The following DENND4A variants were observed in gnomAD, a reference collection of about 807,000 sequenced individuals.
DENND4A encodes C-myc promoter-binding protein.
A neutral mutation model predicts 199.3 loss-of-function variants in DENND4A; 70 were observed. That is an observed-to-expected ratio of 0.35 (90% CI 0.29 to 0.43). The LOEUF (loss-of-function observed/expected upper bound fraction) is 0.43. DENND4A is among the 20% of genes least tolerant of loss of function. The pLI is 1.00. For synonymous variants in DENND4A, 686 were observed against 766.9 expected (o/e 0.89, Z 1.74); for missense variants, 1,723 against 2,255.8 (o/e 0.76, Z 4.78).
intron 1 of DENND4A, among the ~76,000 whole-genome samples, chr15:65,778,659 G>A (rs2077349275): frequency 1.3e-5 from 2 of 152,150 alleles, no homozygotes; most frequent in African/African-American, 4.8e-5. Flanking sequence ...AGCACTTTGA[G>A]AGGATGAGGC....
chr15:65,729,390 G>C, intron 10 of DENND4A, 143 bp from the exon 11 acceptor site: 1 of 1,366,222 alleles, frequency 7.3e-7, no homozygotes, highest in Non-Finnish European at 1.0e-6. Flanking sequence ...TAGAGTTAAT[G>C]GTCAGGAAAT....
chr15:65,721,864 A>G (rs905847168), intron 12 of DENND4A, among the ~76,000 whole-genome samples: 4 of 152,188 alleles, frequency 2.6e-5, no homozygotes, highest in Non-Finnish European at 5.9e-5. Context: ...TACCAACAAG[A>G]TTAGATAAAG....
chr15:65,788,081 A>ATT (rs869202537), intron 1 of DENND4A, among the ~76,000 whole-genome samples: 14 of 148,502 alleles, frequency 9.4e-5, no homozygotes, highest in Non-Finnish European at 1.6e-4. Flanking sequence ...TTATTTATTT[A>ATT]TTTTTTTTTT....
In DENND4A at chr15:65,659,338, T is replaced by TG. The variant is rs2075783833; in HGVS notation, c.*2512_*2513insC. On this transcript the variant is annotated 3_prime_UTR_variant, in exon 33 of 33. Coordinates refer to ENST00000443035, the MANE Select transcript of DENND4A (RefSeq NM_001320835.1). ...TATTTTCTGGTTTTTTTTTTTTTTT[T>TG]TTTTTTTTTTTTTGAGACAGGGTCT... 1.5e-5 allele frequency: 2 copies of TG among 133,906 alleles called. No individual in the cohort carries two copies. Among genetic ancestry groups the TG allele is most frequent in the African/African-American group, 2.8e-5 (1 of 36,346 alleles). The allele number at this position is 133,906 out of a possible 1,614,324, so 8.3% of individuals were successfully genotyped here.
rs564708051 is a variant in DENND4A at position 65,671,817 on chromosome 15, T to C, written c.4439A>G (p.Asn1480Ser). The C allele has an allele frequency of 1.2e-4, 193 of 1,610,956 alleles. No individual in the cohort carries two copies. Among genetic ancestry groups the C allele is most frequent in the South Asian group, 9.9e-4 (90 of 91,040 alleles). Residue 1480 changes from asparagine to serine, a missense_variant, in exon 25 of 33, where the codon AAT (asparagine) becomes AGT (serine). Asn to Ser is a conservative substitution (Grantham distance 46). Transcript: ENST00000443035. The stretch of plus-strand genomic sequence containing the variant: ...CTCCATTGCATAGTTCTGGAAGATA[T>C]TTGTATTACTCGCGTTGAAGGAAGA... The part of the protein sequence containing the change: ...VTSSFNASNT[N>S]IFQNYAMEVL...
At position 65,702,956 on chromosome 15, in the gene DENND4A, A is replaced by G. The variant is rs764093878; in HGVS notation, c.2140T>C (p.Phe714Leu). 3 of 1,613,270 alleles carry G rather than the reference A, an allele frequency of 1.9e-6. No individual in the cohort carries two copies. Among genetic ancestry groups the G allele is most frequent in the Middle Eastern group, 1.7e-4 (1 of 6,056 alleles). The change falls in exon 16 of 33, where the codon TTT becomes CTT. Residue 714 changes from phenylalanine (F) to leucine (L), a missense_variant. Transcript: ENST00000443035. ...AATTTGTTCTTCTTTGCTTGTAGAA[A>G]TCCTTCAGGTCTTTCAAATAAATTG... is the stretch of plus-strand genomic sequence containing the variant. ...RNNLFERPEG[F>L]LQAKKNKLPS...
At chr15:65,703,755 C>T (rs2074951387) in intron 15 of DENND4A, among the ~76,000 whole-genome samples, 1 of 152,120 alleles carries the variant, frequency 6.6e-6, no homozygotes, top group African/African-American at 2.4e-5. Context: ...CTGCCTGAGC[C>T]CAGGAATTCA....
At chr15:65,755,135 T>C (rs937992238) in intron 3 of DENND4A, among the ~76,000 whole-genome samples, 1 of 152,158 alleles carries the variant, frequency 6.6e-6, no homozygotes, top group Non-Finnish European at 1.5e-5. Context: ...TGCTAAGAAG[T>C]CAGTCAAAAA....
chr15:65,700,984 T>C, intron 19 of DENND4A, 67 bp downstream of exon 19: 1 of 1,495,928 alleles, frequency 6.7e-7, no homozygotes, highest in Non-Finnish European at 9.0e-7. Flanking sequence ...ATTTAAAATT[T>C]CTAAAAATGT....
intron 14 of DENND4A, among the ~76,000 whole-genome samples, chr15:65,706,489 CACACACATAT>C (rs748842606): frequency 3.3e-4 from 31 of 92,754 alleles, no homozygotes; most frequent in Middle Eastern, 5.0e-3. Flanking sequence ...CACACACACA[CACACACATAT>C]ATATATATAT....
rs764662730 is a variant in DENND4A, at chr15:65,717,977, A to G, written c.1608T>C (p.Asp536=). Residue 536 remains aspartate, a synonymous_variant, in exon 13 of 33, where the codon GAT becomes GAC. Coordinates refer to ENST00000443035, the MANE Select transcript of DENND4A (RefSeq NM_001320835.1). ...QLAKLQQRPR[D]DGLMDLAIND... ...TTATTGCTAAATCCATGAGTCCATC[A>G]TCTCTCGGTCTCTGCTGCACTGTGA... 6.9e-6 allele frequency: 11 copies of G among 1,603,262 alleles called. No homozygotes were observed. The African/African-American group carries it at 1.5e-4, about 21-fold the overall frequency.
intron 30 of DENND4A, chr15:65,664,928 A>T: frequency 1.9e-6 from 1 of 513,764 alleles, no homozygotes; most frequent in South Asian, 3.6e-5. Context: ...TGTGGTCTTA[A>T]ATAGACAATA....
chr15:65,717,964 C>A lies in DENND4A; in HGVS notation c.1621G>T (p.Asp541Tyr). 6.2e-7 allele frequency: 1 copy of A among 1,606,122 alleles called. No individual in the cohort carries two copies. The highest frequency in any genetic ancestry group is 8.5e-7 in the Non-Finnish European group (1 of 1,175,810). The change falls in exon 13 of 33, where the codon GAT becomes TAT. Residue 541 changes from aspartate to tyrosine, a missense_variant. Asp to Tyr is a radical substitution (Grantham distance 160, BLOSUM62 -3). Coordinates refer to ENST00000443035, the MANE Select transcript of DENND4A (RefSeq NM_001320835.1). ...QQRPRDDGLM[D>Y]LAINDYDFNS... ...AAATCATAGTCATTTATTGCTAAAT[C>A]CATGAGTCCATCATCTCTCGGTCTC...
intron 22 of DENND4A, among the ~76,000 whole-genome samples, chr15:65,694,991 G>C (rs910923187): frequency 6.6e-6 from 1 of 151,946 alleles, no homozygotes; most frequent in African/African-American, 2.4e-5. Flanking sequence ...AGCAATGAAA[G>C]AACAATAAAA....
At chr15:65,731,819 C>T (rs978303121) in intron 8 of DENND4A, 119 bp from the exon 9 acceptor site, 1 of 672,788 alleles carries the variant, frequency 1.5e-6, no homozygotes, top group African/African-American at 1.8e-5. Flanking sequence ...TATCCATTTA[C>T]CAGTATCAGA....
chr15:65,786,133 G>A (rs1567111981), intron 1 of DENND4A, among the ~76,000 whole-genome samples: 1 of 152,050 alleles, frequency 6.6e-6, no homozygotes, highest in Non-Finnish European at 1.5e-5. Context: ...GGAGCTACAA[G>A]AATATTCATG....
At chr15:65,713,801 C>T (rs2075314912) in intron 14 of DENND4A, among the ~76,000 whole-genome samples, 1 of 152,116 alleles carries the variant, frequency 6.6e-6, no homozygotes, top group Admixed American at 6.6e-5. Context: ...AATGTCCTTG[C>T]CCTAAACCTG....
intron 13 of DENND4A, among the ~76,000 whole-genome samples, chr15:65,716,836 G>A (rs1251627860): frequency 1.3e-5 from 2 of 151,846 alleles, no homozygotes; most frequent in Non-Finnish European, 2.9e-5. Flanking sequence ...CTTCCACAAT[G>A]GTTGAACTAG....
intron 9 of DENND4A, among the ~76,000 whole-genome samples, chr15:65,729,933 A>G (rs912648162): frequency 1.3e-5 from 2 of 152,188 alleles, no homozygotes; most frequent in African/African-American, 4.8e-5. Context: ...TGTATTCAAT[A>G]TGGAAAATGA....
Sources: allele counts gnomAD v4.1 joint callset (sites outside exome capture counted in the v4.1 genomes callset), GRCh38; gene constraint gnomAD v4.1.1; transcripts MANE v1.5; gene names NCBI Gene and HGNC (gene_info 2026-07-23, HGNC 2026-07-21).